Variants in SPATC1 observed in about 807,000 individuals in gnomAD.
The protein encoded by SPATC1 is spermatogenesis and centriole associated 1, also known as speriolin.
SPATC1 carries 35 observed loss-of-function variants against 36.5 expected under a neutral mutation model. The observed-to-expected ratio is 0.96, with a 90% confidence interval of 0.73 to 1.27. The LOEUF (loss-of-function observed/expected upper bound fraction) is 1.27, where lower values mean the gene tolerates loss of function less well. Ranked by LOEUF, SPATC1 falls within the 50% of genes most tolerant of loss-of-function variation. The pLI is 0.00. For missense variants in SPATC1, 779 were observed against 796.0 expected (o/e 0.98, Z 0.26); for synonymous variants, 361 against 353.6 (o/e 1.02, Z -0.24).
intron 1 of SPATC1, among the ~76,000 whole-genome samples, chr8:144,017,755 C>A (rs1834422757): frequency 6.6e-6 from 1 of 152,200 alleles, no homozygotes; most frequent in South Asian, 2.1e-4. Flanking sequence ...TAACTTTTAA[C>A]TACTCTGACA....
chr8:144,014,542 G>A (rs1028745557), intron 1 of SPATC1, among the ~76,000 whole-genome samples: 3 of 152,054 alleles, frequency 2.0e-5, no homozygotes, highest in Admixed American at 6.6e-5. Context: ...CTCTGGTTTC[G>A]TACTCCCAGG....
intron 1 of SPATC1, among the ~76,000 whole-genome samples, chr8:144,037,946 G>A (rs538439718): frequency 2.2e-4 from 33 of 151,702 alleles, no homozygotes; most frequent in South Asian, 6.3e-4. Flanking sequence ...TGGCTAACAC[G>A]GTGAAACCCT....
intron 1 of SPATC1, among the ~76,000 whole-genome samples, chr8:144,027,166 G>C (rs1041888322): frequency 2.0e-5 from 3 of 151,640 alleles, no homozygotes; most frequent in African/African-American, 7.3e-5. Flanking sequence ...TAGAGACAAG[G>C]TCTCACTATG....
chr8:144,025,917 G>A (rs1474391719), intron 1 of SPATC1, among the ~76,000 whole-genome samples: 2 of 152,118 alleles, frequency 1.3e-5, no homozygotes, highest in African/African-American at 4.8e-5. Context: ...TTTTTTAAAT[G>A]ACAGCTTCAC....
rs1554755881 is a variant in SPATC1, at chr8:144,040,957, G to A, written c.1156G>A (p.Ala386Thr). 4.4e-6 allele frequency: 7 copies of A among 1,604,662 alleles called. No homozygotes were observed. Among genetic ancestry groups the A allele is most frequent in the African/African-American group, 1.4e-5 (1 of 72,642 alleles). Residue 386 changes from alanine (A) to threonine (T), a missense_variant, in exon 3 of 5, where the codon GCC becomes ACC. By Grantham distance (58) the Ala-to-Thr change is moderately conservative. Coordinates refer to ENST00000377470, the MANE Select transcript of SPATC1 (RefSeq NM_198572.3). Reference sequence around the variant, plus strand: ...TGTCCCCCACTGTCCTCCACACAACGCCCACTCCCCACCTCGTACCTCATC... The same window carrying A: ...TGTCCCCCACTGTCCTCCACACAACACCCACTCCCCACCTCGTACCTCATC... ...LPVPHCPPHN[A>T]HSPPRTSSSP...
chr8:144,041,129 A>G (rs1835084903), intron 3 of SPATC1, 22 bp downstream of exon 3: 1 of 1,579,748 alleles, frequency 6.3e-7, no homozygotes, highest in Non-Finnish European at 8.6e-7. Context: ...TGCGGGCTCC[A>G]CGCGGGTCGG....
intron 1 of SPATC1, among the ~76,000 whole-genome samples, chr8:144,015,044 T>TAAAA (rs1564265710): frequency 3.2e-4 from 46 of 143,794 alleles, no homozygotes; most frequent in African/African-American, 1.2e-3. Context: ...TATTTAAAAT[T>TAAAA]TTTTTTTTTT....
intron 1 of SPATC1, among the ~76,000 whole-genome samples, chr8:144,018,407 A>G (rs902262953): frequency 0.035 from 5,312 of 152,204 alleles, 338 homozygotes; most frequent in African/African-American, 0.12. Flanking sequence ...GGGAGTGGAC[A>G]GGGAGAGGGC....
chr8:144,041,398 CA>C, intron 4 of SPATC1, 27 bp downstream of exon 4: 1 of 1,600,572 alleles, frequency 6.2e-7, no homozygotes, highest in Non-Finnish European at 8.5e-7. Flanking sequence ...CCTGCAGGGA[CA>C]GGGGGCAGGT....
chr8:144,017,647 C>T (rs1446557287), intron 1 of SPATC1, among the ~76,000 whole-genome samples: 3 of 152,164 alleles, frequency 2.0e-5, no homozygotes, highest in African/African-American at 7.2e-5. Context: ...AAAACTAGTA[C>T]AAGAATTTCA....
chr8:144,029,028 A>G (rs1311181517), intron 1 of SPATC1, among the ~76,000 whole-genome samples: 2 of 151,822 alleles, frequency 1.3e-5, no homozygotes, highest in African/African-American at 2.4e-5. Context: ...CAGGGAGGAG[A>G]GCAACACACA....
In SPATC1 at chr8:144,012,354, C is replaced by A. The variant is rs1261851596; in HGVS notation, c.-162C>A. ...GCTGAGGGTGTTAGAGCAGAGAGGG[C>A]AAGGAAGAGGGCACAGCCTCTGACC... On this transcript the variant is annotated 5_prime_UTR_variant, in exon 1 of 5. Transcript: ENST00000377470. 6.4e-6 allele frequency: 4 copies of A among 628,980 alleles called. No homozygotes were observed. The highest frequency in any genetic ancestry group is 4.3e-4 in the Middle Eastern group (1 of 2,322). 39.0% of individuals were successfully genotyped at this position (628,980 alleles called of 1,614,324 possible). A position where few individuals can be genotyped will look rare whatever the true frequency, so the allele number is the denominator to read the frequency against.
rs1338480006 is a variant in SPATC1 at position 144,016,079 on chromosome 8, GAAAA to G, written c.211+3356_211+3359del. ...GACTCTGTCTCAAAAAAAAAAAAAA[GAAAA>G]AAGAAAGAAAGAAAGAAAAGAAATT... is the stretch of plus-strand genomic sequence containing the variant. On this transcript the variant is annotated intron_variant, in intron 1 of 4. Coordinates refer to ENST00000377470, the MANE Select transcript of SPATC1 (RefSeq NM_198572.3). The surrounding 1 kb of genome is among the most constrained non-coding windows in gnomAD (Gnocchi z 4.5). Among the ~76,000 whole-genome samples, 1 of 144,900 alleles carries G rather than the reference GAAAA, an allele frequency of 6.9e-6. No homozygotes were observed. Among genetic ancestry groups the G allele is most frequent in the Non-Finnish European group, 1.5e-5 (1 of 66,138 alleles).
At position 144,016,192 on chromosome 8, in the gene SPATC1, G is replaced by C. The variant is rs1383942550; in HGVS notation, c.211+3466G>C. ...AATCGCTTGAACTTGGGAGGCAGAG[G>C]TTGCAGTGAGCCTAGACTACGCCAT... On this transcript the variant is annotated intron_variant, in intron 1 of 4. Coordinates refer to ENST00000377470, the MANE Select transcript of SPATC1 (RefSeq NM_198572.3). This position sits in a 1 kb window ranked among gnomAD's most constrained non-coding sequence, Gnocchi z 4.5. 6.6e-6 allele frequency among the ~76,000 whole-genome samples: 1 copy of C among 152,172 alleles called. No homozygotes were observed. The highest frequency in any genetic ancestry group is 1.5e-5 in the Non-Finnish European group (1 of 68,038).
chr8:144,015,035 AT>A (rs200365413), intron 1 of SPATC1, among the ~76,000 whole-genome samples: 2,308 of 150,620 alleles, frequency 0.015, 54 homozygotes, highest in African/African-American at 0.055. Context: ...ATTTTTAAAT[AT>A]TTAAAATTTT....
chr8:144,014,188 T>A (rs542113913), intron 1 of SPATC1, among the ~76,000 whole-genome samples: 1 of 151,602 alleles, frequency 6.6e-6, no homozygotes, highest in South Asian at 2.1e-4. Flanking sequence ...GAGGCAGAGG[T>A]TGCAGTGAGC....
In SPATC1 at chr8:144,040,136, G is replaced by T; in HGVS notation, c.439G>T (p.Gly147Ter). Residue 147 changes from glycine (G) to a stop codon, truncating the protein, a stop_gained, in exon 2 of 5, where the codon GGA becomes TGA. Coordinates refer to ENST00000377470, the MANE Select transcript of SPATC1 (RefSeq NM_198572.3). LOFTEE classifies it high-confidence loss of function. ...CAGCTTCCTGACCAGTCCCATTGCG[G>T]GACCCCTAACAGGCACACTGGCCAG... ...LTSFLTSPIAGPLTGTLASSL... is the reference protein window; with the variant it reads ...LTSFLTSPIA 1 of 1,609,452 alleles carries T rather than the reference G, an allele frequency of 6.2e-7. No homozygotes were observed. The highest frequency in any genetic ancestry group is 1.1e-5 in the South Asian group (1 of 90,822).
chr8:144,033,110 G>C (rs888833015), intron 1 of SPATC1, among the ~76,000 whole-genome samples: 1 of 150,610 alleles, frequency 6.6e-6, no homozygotes, highest in African/African-American at 2.4e-5. Flanking sequence ...TGAAACAAAA[G>C]TTAGGCTGGG....
intron 1 of SPATC1, among the ~76,000 whole-genome samples, chr8:144,017,206 C>T (rs1249371427): frequency 6.6e-6 from 1 of 152,190 alleles, no homozygotes; most frequent in African/African-American, 2.4e-5. Context: ...ATCTGTTGTC[C>T]CAGCCAAGGC....
Sources: gnomAD v4.1 joint callset for allele counts (sites outside exome capture counted in the v4.1 genomes callset) on GRCh38, gnomAD v4.1.1 for gene constraint, Gnocchi (gnomAD v3.1) non-coding constraint, MANE v1.5 for transcripts, NCBI Gene and HGNC (gene_info 2026-07-23, HGNC 2026-07-21) for gene names.